The following ARSG variants were observed in gnomAD, a reference collection of about 807,000 sequenced individuals.
The protein encoded by ARSG is arylsulfatase G, also known as ASG.
A neutral mutation model predicts 50.5 loss-of-function variants in ARSG; 37 were observed. The ratio of observed to expected loss-of-function variants is 0.73; its 90% CI spans 0.56 to 0.96. ARSG has a LOEUF of 0.96. Ranked by LOEUF, ARSG falls within the 50% of genes least tolerant of loss-of-function variation. The probability of loss-of-function intolerance (pLI) is 0.00; values close to 1 mark genes in which losing one functional copy is unlikely to be tolerated. For missense variants in ARSG, 629 were observed against 675.3 expected, an observed-to-expected ratio of 0.93 and a Z score of 0.76; for synonymous variants, 225 against 254.6, an observed-to-expected ratio of 0.88 and a Z score of 1.11.
In ARSG at chr17:68,299,967, C is replaced by T. The variant is rs1555761110; in HGVS notation, c.-551-6976C>T. Among the ~76,000 whole-genome samples the T allele has an allele frequency of 6.6e-5, 9 of 137,024 alleles. No homozygotes were observed. In the South Asian group the frequency reaches 1.8e-3, roughly 28 times the overall value. 89.9% of individuals were successfully genotyped at this position (137,024 alleles called of 152,430 possible). ...TTTTTTTTTTTTTAAGAGACAGGGT[C>T]TTGCTCTGTTGCCCAGGCTGGAGTG... On this transcript the variant is annotated intron_variant, in intron 1 of 11. Transcript: ENST00000621439.
chr17:68,279,158 A>G (rs1368802795), intron 1 of ARSG, among the ~76,000 whole-genome samples: 2 of 152,120 alleles, frequency 1.3e-5, no homozygotes, highest in East Asian at 3.8e-4. Context: ...GCAAAAAAAG[A>G]CTGAATTGAC....
chr17:68,423,445 TGA>T (rs1173270718), downstream of ARSG, among the ~76,000 whole-genome samples: 1 of 152,194 alleles, frequency 6.6e-6, no homozygotes, highest in African/African-American at 2.4e-5. The surrounding 1 kb of genome is among the most constrained non-coding windows in gnomAD (Gnocchi z 4.4). Context: ...GAGGGCAGAC[TGA>T]GAGGTTGGTG....
intron 4 of ARSG, among the ~76,000 whole-genome samples, chr17:68,349,009 G>C (rs142875873): frequency 1.2e-4 from 18 of 152,196 alleles, no homozygotes; most frequent in African/African-American, 3.9e-4. Context: ...AATTTTATTA[G>C]AAAACAGCAA....
At chr17:68,450,830 GTGAC>G in the ARSG span, 6 of 1,614,200 alleles carry the variant, frequency 3.7e-6, no homozygotes, top group South Asian at 1.1e-5. Flanking sequence ...GTGGTTTTGT[GTGAC>G]TGACTACCAC....
chr17:68,444,601 C>A, the ARSG span: 1 of 1,606,530 alleles, frequency 6.2e-7, no homozygotes, highest in Middle Eastern at 1.7e-4. Context: ...TGTAATCACA[C>A]AGACTTATCA....
chr17:68,350,145 C>T (rs1383669075), intron 4 of ARSG, among the ~76,000 whole-genome samples: 1 of 152,160 alleles, frequency 6.6e-6, no homozygotes, highest in African/African-American at 2.4e-5. Context: ...GCAGTTTCAC[C>T]TGTGAGAGAC....
downstream of ARSG, among the ~76,000 whole-genome samples, chr17:68,424,912 G>A (rs114591160): frequency 6.5e-3 from 985 of 152,264 alleles, 12 homozygotes; most frequent in African/African-American, 0.023. Flanking sequence ...CTTCCATCTC[G>A]AAATGATTTC....
chr17:68,445,380 C>T, the ARSG span, among the ~76,000 whole-genome samples: 68 of 152,182 alleles, frequency 4.5e-4, no homozygotes, highest in Admixed American at 2.0e-4. Flanking sequence ...TCTCCATCAC[C>T]AAATCTTAGG....
rs143240586 is a variant in ARSG, at chr17:68,392,195, G to A, written c.1092-2878G>A. ...AGCTTCGCATTAGCTCAGCCCTCCT[G>A]GCTCCAGTAAGCCCCGCTGACTTCC... On this transcript the variant is annotated intron_variant, in intron 9 of 11. Coordinates refer to ENST00000621439, the MANE Select transcript of ARSG (RefSeq NM_001267727.2). 2.7e-3 allele frequency among the ~76,000 whole-genome samples: 409 copies of A among 152,326 alleles called. 1 individual carries two copies. Among genetic ancestry groups the A allele is most frequent in the Non-Finnish European group, 2.3e-3 (159 of 68,028 alleles).
chr17:68,429,959 G>A, the ARSG span: 1 of 1,611,834 alleles, frequency 6.2e-7, no homozygotes, highest in Admixed American at 1.7e-5. Context: ...ATTGACGAAA[G>A]TGTGGTCTTG....
intron 9 of ARSG, among the ~76,000 whole-genome samples, chr17:68,394,521 C>T (rs548699860): frequency 6.6e-6 from 1 of 152,194 alleles, no homozygotes; most frequent in South Asian, 2.1e-4. Flanking sequence ...CTTGTAGTCC[C>T]AGCTACTCTT....
chr17:68,334,781 A>C (rs1322674384), intron 2 of ARSG, among the ~76,000 whole-genome samples: 1 of 152,092 alleles, frequency 6.6e-6, no homozygotes, highest in Non-Finnish European at 1.5e-5. Context: ...TGGGTGGTTC[A>C]GCTTCTTATA....
chr17:68,445,569 G>A, the ARSG span, among the ~76,000 whole-genome samples: 2 of 152,066 alleles, frequency 1.3e-5, no homozygotes, highest in African/African-American at 4.8e-5. Context: ...CCTCTCTCTG[G>A]TGCTTGCTCT....
rs2075988267 is a variant in ARSG, at chr17:68,291,506, T to C, written c.-614T>C. On this transcript the variant is annotated 5_prime_UTR_variant, in exon 1 of 12. Coordinates refer to ENST00000621439, the MANE Select transcript of ARSG (RefSeq NM_001267727.2). ...CCTGGCGCGCGCGCGCCGTCCCACGTGGACCTGAGCCGCGCCGGTCGCGCG... is the reference window on the plus strand; with the variant it reads ...CCTGGCGCGCGCGCGCCGTCCCACGCGGACCTGAGCCGCGCCGGTCGCGCG... The C allele has an allele frequency of 6.7e-6, 1 of 149,772 alleles. No individual in the cohort carries two copies. The highest frequency in any genetic ancestry group is 2.4e-5 in the African/African-American group (1 of 40,934). The allele number at this position is 149,772 out of a possible 1,614,324, so 9.3% of individuals were successfully genotyped here.
chr17:68,427,033 C>T (rs574169137), downstream of ARSG: 5 of 970,008 alleles, frequency 5.2e-6, no homozygotes, highest in African/African-American at 4.8e-5. Context: ...GGGCACTCCA[C>T]CCCCAGGTAA....
At chr17:68,330,979 G>C (rs1459463158) in intron 2 of ARSG, among the ~76,000 whole-genome samples, 95 of 4,822 alleles carry the variant, frequency 0.02, no homozygotes, top group South Asian at 0.097. Context: ...TTTTTTTTGC[G>C]GGGGGGGGGG....
chr17:68,396,000 CTGTTTTTTTTTTT>C (rs1031463656), intron 10 of ARSG, among the ~76,000 whole-genome samples: 1 of 136,650 alleles, frequency 7.3e-6, no homozygotes, highest in African/African-American at 2.5e-5. Context: ...TCTTGGCAGC[CTGTTTTTTTTTTT>C]TGTTTTTTTT....
chr17:68,351,493 T>A (rs975348799), intron 4 of ARSG, 82 bp from the exon 5 acceptor site: 1 of 761,934 alleles, frequency 1.3e-6, no homozygotes, highest in African/African-American at 1.7e-5. Flanking sequence ...CATAGGAAAT[T>A]ACATTTTTGT....
At chr17:68,417,690 C>T (rs1343597400) in intron 11 of ARSG, among the ~76,000 whole-genome samples, 1 of 147,784 alleles carries the variant, frequency 6.8e-6, no homozygotes, top group Non-Finnish European at 1.5e-5. Context: ...AGTAGTTTGC[C>T]CTGTGACTTC....
Sources: allele counts gnomAD v4.1 joint callset (sites outside exome capture counted in the v4.1 genomes callset), GRCh38; gene constraint gnomAD v4.1.1; non-coding constraint Gnocchi (gnomAD v3.1); transcripts MANE v1.5; gene names NCBI Gene and HGNC (gene_info 2026-07-23, HGNC 2026-07-21).